Variants in CSMD3 observed in about 807,000 individuals in gnomAD.
CSMD3 encodes CUB and sushi domain-containing protein 3.
CSMD3 carries 177 observed loss-of-function variants against 435.2 expected under a neutral mutation model. The observed-to-expected ratio is 0.41, with a 90% CI of 0.36 to 0.46. The LOEUF (loss-of-function observed/expected upper bound fraction) is 0.46, where lower values mean the gene tolerates loss of function less well. Ranked by LOEUF, CSMD3 falls within the 20% of genes least tolerant of loss-of-function variation. The pLI is 0.34. For synonymous variants in CSMD3, 1,656 were observed against 1,520.5 expected, an observed-to-expected ratio of 1.09 and a Z score of -2.07; for missense variants, 4,265 against 4,504.6, an observed-to-expected ratio of 0.95 and a Z score of 1.52.
chr8:112,750,307 A>G (rs1020133494), intron 13 of CSMD3, among the ~76,000 whole-genome samples: 7 of 151,490 alleles, frequency 4.6e-5, no homozygotes, highest in African/African-American at 1.7e-4. Context: ...AACTAATTTT[A>G]TAAGTATAAT....
At chr8:112,743,786 T>C (rs1302628225) in intron 13 of CSMD3, among the ~76,000 whole-genome samples, 1 of 152,060 alleles carries the variant, frequency 6.6e-6, no homozygotes, top group East Asian at 1.9e-4. Flanking sequence ...ACTTGCATCA[T>C]ATAAATAAAA....
intron 3 of CSMD3, among the ~76,000 whole-genome samples, chr8:113,198,874 A>G (rs180778867): frequency 1.3e-5 from 2 of 151,290 alleles, no homozygotes; most frequent in East Asian, 3.9e-4. Flanking sequence ...AAAGAATTAA[A>G]CAGAGCCAAC....
At chr8:112,830,907 C>T (rs1447839549) in intron 11 of CSMD3, among the ~76,000 whole-genome samples, 5 of 151,802 alleles carry the variant, frequency 3.3e-5, no homozygotes, top group African/African-American at 7.3e-5. Flanking sequence ...CTGCCTCAGC[C>T]TCCTGAGTAC....
Position 112,314,587 on chromosome 8 carries a change from T to C in CSMD3, c.7391A>G (p.Asp2464Gly), listed in dbSNP as rs777628382. 6.2e-7 allele frequency: 1 copy of C among 1,612,818 alleles called. No individual in the cohort carries two copies. Among genetic ancestry groups the C allele is most frequent in the South Asian group, 1.1e-5 (1 of 91,064 alleles). The change falls in exon 48 of 71, where the codon GAT (aspartate) becomes GGT (glycine). Residue 2464 changes from aspartate to glycine, a missense_variant. Asp to Gly is a moderately conservative substitution (Grantham distance 94). Around this residue, in one of 3 missense-constraint regions of CSMD3, gnomAD observed 3,255 missense variants for 3,380.2 expected, o/e 0.96. Coordinates refer to ENST00000297405, the MANE Select transcript of CSMD3 (RefSeq NM_198123.2). ...VLCPANELRL[D>G]STGVILSPGY... ...AGGGCTCAATATGACTCCAGTAGAA[T>C]CTAGCCGTAATTCATTGGCAGGACA...
At chr8:113,095,998 T>A (rs942021520) in intron 5 of CSMD3, among the ~76,000 whole-genome samples, 2 of 152,176 alleles carry the variant, frequency 1.3e-5, no homozygotes, top group Non-Finnish European at 2.9e-5. Context: ...GACATTTTAG[T>A]GTTGGAGTGT....
intron 22 of CSMD3, among the ~76,000 whole-genome samples, chr8:112,605,698 T>G (rs1482112462): frequency 6.6e-6 from 1 of 151,924 alleles, no homozygotes; most frequent in Non-Finnish European, 1.5e-5. Context: ...GCTCGTTACC[T>G]GGAAACAAAA....
At chr8:112,616,955 G>A (rs1339382168) in intron 22 of CSMD3, among the ~76,000 whole-genome samples, 1 of 152,110 alleles carries the variant, frequency 6.6e-6, no homozygotes, top group East Asian at 1.9e-4. Flanking sequence ...GAGATGAATT[G>A]GAAAAGGCCT....
At chr8:112,887,820 G>T (rs1298634932) in intron 10 of CSMD3, among the ~76,000 whole-genome samples, 1 of 150,656 alleles carries the variant, frequency 6.6e-6, no homozygotes, top group Non-Finnish European at 1.5e-5. Context: ...CCCAAAAGAT[G>T]GTACTAATAA....
chr8:113,257,989 A>G (rs1289959389), intron 3 of CSMD3, among the ~76,000 whole-genome samples: 1 of 152,234 alleles, frequency 6.6e-6, no homozygotes, highest in Non-Finnish European at 1.5e-5. Flanking sequence ...AGCTGGAAAA[A>G]AAGGTCAACT....
chr8:112,356,033 A>G lies in CSMD3; in HGVS notation c.6137-3499T>C, dbSNP rs566574165. Among the ~76,000 whole-genome samples, 4 of 152,222 alleles carry G rather than the reference A, an allele frequency of 2.6e-5. No individual in the cohort carries two copies. In the South Asian group the frequency reaches 6.2e-4, roughly 24 times the overall value. ...GCTATGATGTAAAAGTCAGAGAAAA[A>G]CAGATGGTGGCAAGGCTGCAGAGAA... On this transcript the variant is annotated intron_variant, in intron 38 of 70. Coordinates refer to ENST00000297405, the MANE Select transcript of CSMD3 (RefSeq NM_198123.2).
intron 3 of CSMD3, among the ~76,000 whole-genome samples, chr8:113,198,440 A>T (rs981475695): frequency 5.3e-5 from 8 of 151,282 alleles, no homozygotes; most frequent in African/African-American, 7.3e-5. Context: ...CTTCAGCAAG[A>T]TTTTTAATGT....
In CSMD3 at chr8:112,711,602, CCA is replaced by C. The variant is rs370273111; in HGVS notation, c.1973-21554_1973-21553del. Among the ~76,000 whole-genome samples the C allele has an allele frequency of 2.3e-3, 345 of 152,164 alleles. 1 individual carries two copies. The highest frequency in any genetic ancestry group is 8.0e-3 in the African/African-American group (333 of 41,520). On this transcript the variant is annotated intron_variant, in intron 13 of 70. Transcript: ENST00000297405. ...ACTCAAAGCTAGGCTTCATTAAAAACCACAGTCTACACTGATTAGTTATAACA... is the reference window on the plus strand; with the variant it reads ...ACTCAAAGCTAGGCTTCATTAAAAACCAGTCTACACTGATTAGTTATAACA...
chr8:112,304,958 A>G, intron 51 of CSMD3, 43 bp from the exon 52 acceptor site: 1 of 1,420,652 alleles, frequency 7.0e-7, no homozygotes, highest in Non-Finnish European at 9.9e-7. Context: ...AAATCACTAT[A>G]TCTCAACGTC....
intron 1 of CSMD3, among the ~76,000 whole-genome samples, chr8:113,353,403 C>T (rs1410317848): frequency 1.3e-5 from 2 of 151,984 alleles, no homozygotes; most frequent in African/African-American, 2.4e-5. Context: ...TCTAACAAGA[C>T]CAATTTGCAG....
chr8:112,576,825 A>C (rs1829979985), intron 23 of CSMD3, among the ~76,000 whole-genome samples: 1 of 148,748 alleles, frequency 6.7e-6, no homozygotes, highest in Non-Finnish European at 1.5e-5. Context: ...CCACTGCACC[A>C]GGCAGCATAC....
intron 1 of CSMD3, among the ~76,000 whole-genome samples, chr8:113,405,706 T>C (rs559931822): frequency 6.6e-6 from 1 of 151,860 alleles, no homozygotes; most frequent in Non-Finnish European, 1.5e-5. Context: ...TAGGATCACC[T>C]ATGGATGAGC....
At chr8:113,084,395 A>G (rs2089677287) in intron 5 of CSMD3, among the ~76,000 whole-genome samples, 1 of 152,076 alleles carries the variant, frequency 6.6e-6, no homozygotes, top group Admixed American at 6.6e-5. Flanking sequence ...AATTTAACCA[A>G]TTAGGTGAAA....
At chr8:112,563,244 T>C (rs1828794142) in intron 24 of CSMD3, among the ~76,000 whole-genome samples, 1 of 151,822 alleles carries the variant, frequency 6.6e-6, no homozygotes, top group Non-Finnish European at 1.5e-5. Context: ...AATCAAACTA[T>C]ACAAAAATCA....
At chr8:112,369,999 A>AGAGGAAGAAGAAGAAGAG (rs1268253661) in intron 38 of CSMD3, among the ~76,000 whole-genome samples, 5 of 119,604 alleles carry the variant, frequency 4.2e-5, no homozygotes, top group African/African-American at 1.5e-4. Flanking sequence ...AAGAGGAAGA[A>AGAGGAAGAAGAAGAAGAG]GAAGAGGAAG....
Sources: gnomAD v4.1 joint callset for allele counts (sites outside exome capture counted in the v4.1 genomes callset) on GRCh38, gnomAD v4.1.1 for gene constraint, gnomAD v4.1.1 regional missense constraint, MANE v1.5 for transcripts, NCBI Gene and HGNC (gene_info 2026-07-23, HGNC 2026-07-21) for gene names.